Variants in DSCAML1 observed in about 807,000 individuals in gnomAD.
DSCAML1 encodes the protein cell adhesion molecule DSCAML1.
A neutral mutation model predicts 200.5 loss-of-function variants in DSCAML1; 38 were observed. The ratio of observed to expected loss-of-function variants is 0.19; its 90% CI spans 0.15 to 0.25. The LOEUF is 0.25. Among genes scored for constraint, DSCAML1 ranks in the 10% least tolerant of loss-of-function variants. The pLI is 1.00. For synonymous variants in DSCAML1, 1,215 were observed against 1,165.0 expected, an observed-to-expected ratio of 1.04 and a Z score of -0.87; for missense variants, 2,223 against 2,858.8, an observed-to-expected ratio of 0.78 and a Z score of 5.07.
intron 16 of DSCAML1, 43 bp from the exon 17 acceptor site, chr11:117,465,225 C>T (rs565230633): frequency 3.2e-5 from 51 of 1,602,372 alleles, no homozygotes; most frequent in Middle Eastern, 1.7e-4. Context: ...AATGGCAACA[C>T]GCTGAGATGA....
At chr11:117,721,050 A>G (rs1174105692) in intron 3 of DSCAML1, among the ~76,000 whole-genome samples, 2 of 152,226 alleles carry the variant, frequency 1.3e-5, no homozygotes, top group Non-Finnish European at 2.9e-5. Flanking sequence ...TACAGATGAG[A>G]AAACCAAGAT....
intron 3 of DSCAML1, among the ~76,000 whole-genome samples, chr11:117,618,826 C>T (rs1208903729): frequency 6.6e-6 from 1 of 152,080 alleles, no homozygotes; most frequent in Admixed American, 6.5e-5. Context: ...GTTAAGCGGC[C>T]CAAGACCAGC....
chr11:117,765,852 A>G (rs2054888028), intron 3 of DSCAML1, among the ~76,000 whole-genome samples: 1 of 152,222 alleles, frequency 6.6e-6, no homozygotes, highest in Non-Finnish European at 1.5e-5. Flanking sequence ...CTCTGAGGCC[A>G]GAGCCCACAG....
At chr11:117,695,315 C>CTTTTTTTTTTTTTTTT (rs753748981) in intron 3 of DSCAML1, among the ~76,000 whole-genome samples, 38 of 116,706 alleles carry the variant, frequency 3.3e-4, no homozygotes, top group African/African-American at 9.2e-4. Context: ...CTTTCTTTTT[C>CTTTTTTTTTTTTTTTT]TTTTTTTTTT....
At chr11:117,753,092 A>G (rs994027596) in intron 3 of DSCAML1, among the ~76,000 whole-genome samples, 3 of 152,168 alleles carry the variant, frequency 2.0e-5, no homozygotes, top group Non-Finnish European at 4.4e-5. Flanking sequence ...TTAGCTCTCA[A>G]CTTCAGACAA....
At position 117,662,209 on chromosome 11, in the gene DSCAML1, T is replaced by C. The variant is rs1156492880; in HGVS notation, c.511+114582A>G. Among the ~76,000 whole-genome samples the C allele has an allele frequency of 4.6e-5, 7 of 152,324 alleles. No homozygotes were observed. The East Asian group carries it at 1.3e-3, about 29-fold the overall frequency. ...CACCCCAGGGGCAAGTGCCATGTTTTTTTAAAAAAGGATGGTCACTAACCC... is the reference window on the plus strand; with the variant it reads ...CACCCCAGGGGCAAGTGCCATGTTTCTTTAAAAAAGGATGGTCACTAACCC... On this transcript the variant is annotated intron_variant, in intron 3 of 32. Transcript: ENST00000651296.
At chr11:117,513,740 CAAAAAAA>C (rs58490526) in intron 8 of DSCAML1, among the ~76,000 whole-genome samples, 1 of 77,796 alleles carries the variant, frequency 1.3e-5, no homozygotes, top group Non-Finnish European at 2.5e-5. Flanking sequence ...GACTCTATCT[CAAAAAAA>C]AAAAAAAAAA....
At chr11:117,737,049 G>A (rs2054329685) in intron 3 of DSCAML1, among the ~76,000 whole-genome samples, 1 of 152,174 alleles carries the variant, frequency 6.6e-6, no homozygotes, top group South Asian at 2.1e-4. Context: ...TACACAGTGT[G>A]GGTATCAGGC....
chr11:117,542,180 G>T (rs904781628), intron 3 of DSCAML1, among the ~76,000 whole-genome samples: 4 of 152,082 alleles, frequency 2.6e-5, no homozygotes, highest in Non-Finnish European at 5.9e-5. Flanking sequence ...ATGGTGTCAG[G>T]CTCCTGTAAT....
At chr11:117,434,835 A>G (rs1043649085) in intron 27 of DSCAML1, among the ~76,000 whole-genome samples, 2 of 152,226 alleles carry the variant, frequency 1.3e-5, no homozygotes, top group Middle Eastern at 3.4e-3. Context: ...CATCCATCCA[A>G]TCATCAACCA....
chr11:117,473,672 G>A (rs1020370595), intron 14 of DSCAML1, among the ~76,000 whole-genome samples: 5 of 152,162 alleles, frequency 3.3e-5, no homozygotes, highest in African/African-American at 9.7e-5. Flanking sequence ...GAAGGGCACC[G>A]GCCCAGCTCC....
At position 117,588,957 on chromosome 11, in the gene DSCAML1, G is replaced by T. The variant is rs1565810130; in HGVS notation, c.512-56435C>A. 2.6e-5 allele frequency among the ~76,000 whole-genome samples: 4 copies of T among 152,172 alleles called. No homozygotes were observed. In the East Asian group the frequency reaches 7.7e-4, roughly 29 times the overall value. On this transcript the variant is annotated intron_variant, in intron 3 of 32. Transcript: ENST00000651296. ...GGACCCTGCTGCCATTTGCAGAGGG[G>T]AAAATGAGCCTCATCGACCCAAATA...
At chr11:117,528,020 C>T (rs966545339) in intron 4 of DSCAML1, among the ~76,000 whole-genome samples, 3 of 152,156 alleles carry the variant, frequency 2.0e-5, no homozygotes, top group Non-Finnish European at 4.4e-5. Context: ...GATAACATTG[C>T]CTCCAGACTT....
intron 11 of DSCAML1, among the ~76,000 whole-genome samples, chr11:117,501,781 G>A (rs569813574): frequency 8.4e-4 from 128 of 152,220 alleles, no homozygotes; most frequent in African/African-American, 3.0e-3. Context: ...ACGTGACCCC[G>A]AGGTGTGGAG....
At chr11:117,643,068 C>T (rs1178735690) in intron 3 of DSCAML1, among the ~76,000 whole-genome samples, 1 of 152,154 alleles carries the variant, frequency 6.6e-6, no homozygotes, top group Admixed American at 6.5e-5. Context: ...AGTTCTGAGT[C>T]TGAATTTATC....
At chr11:117,607,154 G>T (rs970365994) in intron 3 of DSCAML1, among the ~76,000 whole-genome samples, 2 of 152,222 alleles carry the variant, frequency 1.3e-5, no homozygotes, top group African/African-American at 2.4e-5. Context: ...CCTGCATGCG[G>T]CTATCCTCGA....
rs35256328 is a variant in DSCAML1, at chr11:117,532,968, TAA to T, written c.512-448_512-447del. 9.9e-3 allele frequency among the ~76,000 whole-genome samples: 1,409 copies of T among 142,948 alleles called. 17 individuals are homozygous for T. The highest frequency in any genetic ancestry group is 0.025 in the African/African-American group (979 of 39,030). The allele number at this position is 142,948 out of a possible 152,430, so 93.8% of individuals were successfully genotyped here. A position where few individuals can be genotyped will look rare whatever the true frequency, so the allele number is the denominator to read the frequency against. ...CAATATAGGGGGAGACCCTGTCTATTAAAAAAAAAAAAAATTAAACAATTAGC... is the reference window on the plus strand; with the variant it reads ...CAATATAGGGGGAGACCCTGTCTATTAAAAAAAAAAAATTAAACAATTAGC... On this transcript the variant is annotated intron_variant, in intron 3 of 32. Coordinates refer to ENST00000651296, the MANE Select transcript of DSCAML1 (RefSeq NM_020693.4).
At chr11:117,736,272 G>A (rs530727912) in intron 3 of DSCAML1, among the ~76,000 whole-genome samples, 17 of 152,286 alleles carry the variant, frequency 1.1e-4, no homozygotes, top group Admixed American at 3.9e-4. Flanking sequence ...AGGTGTCTGC[G>A]TCGGGCCTTG....
chr11:117,467,757 G>A (rs889947533), intron 16 of DSCAML1, among the ~76,000 whole-genome samples: 2 of 152,036 alleles, frequency 1.3e-5, no homozygotes, highest in Non-Finnish European at 2.9e-5. Context: ...ACACATGTAT[G>A]TCTATGCACA....
Sources: allele counts gnomAD v4.1 joint callset (sites outside exome capture counted in the v4.1 genomes callset), GRCh38; gene constraint gnomAD v4.1.1; transcripts MANE v1.5; gene names NCBI Gene and HGNC (gene_info 2026-07-23, HGNC 2026-07-21).